Variants in KIAA1217 observed in about 807,000 individuals in gnomAD.
KIAA1217 encodes the protein KIAA1217.
In KIAA1217, 88 loss-of-function variants were observed where a neutral mutation model predicts 163.9. The ratio of observed to expected loss-of-function variants is 0.54; its 90% CI spans 0.45 to 0.64. KIAA1217 has a LOEUF of 0.64. KIAA1217 is among the 30% of genes least tolerant of loss of function. The probability of loss-of-function intolerance (pLI) is 0.00; values close to 1 mark genes in which losing one functional copy is unlikely to be tolerated. For synonymous variants in KIAA1217, 903 were observed against 923.1 expected (o/e 0.98, Z 0.39); for missense variants, 2,372 against 2,475.0 (o/e 0.96, Z 0.88).
chr10:23,775,081 G>T (rs1056792964), intron 1 of KIAA1217, among the ~76,000 whole-genome samples: 2 of 152,134 alleles, frequency 1.3e-5, no homozygotes, highest in Non-Finnish European at 2.9e-5. Flanking sequence ...GATAAGGTGT[G>T]TGTGATCAGA....
At chr10:24,041,259 C>T (rs1487109108) in intron 2 of KIAA1217, among the ~76,000 whole-genome samples, 2 of 152,078 alleles carry the variant, frequency 1.3e-5, no homozygotes, top group African/African-American at 4.8e-5. Flanking sequence ...AAATCACTGA[C>T]GTGGGAAACT....
At chr10:24,016,594 A>ATATAGTGTAG (rs1168015475) in intron 2 of KIAA1217, among the ~76,000 whole-genome samples, 2 of 152,132 alleles carry the variant, frequency 1.3e-5, no homozygotes, top group African/African-American at 4.8e-5. Context: ...TAATAATATT[A>ATATAGTGTAG]TATAGTGTAG....
intron 1 of KIAA1217, among the ~76,000 whole-genome samples, chr10:23,952,189 C>T (rs1388966299): frequency 3.3e-5 from 5 of 152,208 alleles, no homozygotes; most frequent in African/African-American, 4.8e-5. Context: ...ATACCATCTG[C>T]GATCCCAGCA....
rs2052346066 is a variant in KIAA1217 at position 24,375,435 on chromosome 10, A to G, written c.355-5434A>G. Among the ~76,000 whole-genome samples the G allele has an allele frequency of 2.0e-5, 3 of 152,332 alleles. No homozygotes were observed. In the South Asian group the frequency reaches 6.2e-4, roughly 32 times the overall value. On this transcript the variant is annotated intron_variant, in intron 2 of 20. Transcript: ENST00000376454. The stretch of plus-strand genomic sequence containing the variant: ...GAGTTTATTAATTTTCCTTTGGAGT[A>G]CCGTGAAGCAGGAATGGTAGAGAAA...
intron 3 of KIAA1217, among the ~76,000 whole-genome samples, chr10:24,431,930 G>A (rs886822658): frequency 6.6e-6 from 1 of 152,110 alleles, no homozygotes; most frequent in African/African-American, 2.4e-5. Context: ...CAATAAATAT[G>A]TATTAGAACC....
intron 2 of KIAA1217, among the ~76,000 whole-genome samples, chr10:24,031,851 GC>G (rs1848201010): frequency 2.0e-5 from 3 of 152,168 alleles, no homozygotes; most frequent in Admixed American, 1.3e-4. Flanking sequence ...CCTTACTCAA[GC>G]TCCATCAAAA....
At chr10:23,945,264 CTA>C (rs1843970102) in intron 1 of KIAA1217, among the ~76,000 whole-genome samples, 1 of 151,984 alleles carries the variant, frequency 6.6e-6, no homozygotes, top group African/African-American at 2.4e-5. Context: ...ACAAACTGTG[CTA>C]TTTTCATAAA....
intron 1 of KIAA1217, among the ~76,000 whole-genome samples, chr10:23,867,682 A>G (rs567780120): frequency 5.1e-4 from 77 of 152,146 alleles, no homozygotes; most frequent in African/African-American, 1.9e-3. Context: ...TCCTTCGCCT[A>G]CTTTTTGATG....
At chr10:24,187,516 C>G (rs774761565) in intron 2 of KIAA1217, among the ~76,000 whole-genome samples, 1 of 152,234 alleles carries the variant, frequency 6.6e-6, no homozygotes, top group East Asian at 1.9e-4. Context: ...AGAACCAGTA[C>G]ACTTGAAGAT....
intron 1 of KIAA1217, among the ~76,000 whole-genome samples, chr10:23,777,602 C>A (rs1048348551): frequency 6.6e-6 from 1 of 152,074 alleles, no homozygotes; most frequent in Non-Finnish European, 1.5e-5. Flanking sequence ...TAATCACATT[C>A]CCTTACAGCT....
chr10:24,418,174 C>T (rs117099196), intron 3 of KIAA1217, among the ~76,000 whole-genome samples: 2,339 of 152,086 alleles, frequency 0.015, 29 homozygotes, highest in Non-Finnish European at 0.024. Flanking sequence ...TCAGGCCGGT[C>T]TTAAACTCCT....
At chr10:24,191,552 AATAT>A (rs59779872) in intron 2 of KIAA1217, among the ~76,000 whole-genome samples, 5 of 148,304 alleles carry the variant, frequency 3.4e-5, no homozygotes, top group African/African-American at 9.8e-5. Context: ...TGTACCCACA[AATAT>A]ATATATATAT....
At chr10:24,491,286 CTTTTTTTT>C (rs1169407580) in intron 6 of KIAA1217, among the ~76,000 whole-genome samples, 1 of 114,738 alleles carries the variant, frequency 8.7e-6, no homozygotes. Context: ...TTTTTTTTTC[CTTTTTTTT>C]TTTTTTTTTT....
At chr10:24,436,517 G>C (rs1259501081) in intron 4 of KIAA1217, among the ~76,000 whole-genome samples, 1 of 150,654 alleles carries the variant, frequency 6.6e-6, no homozygotes, top group African/African-American at 2.4e-5. Flanking sequence ...CCAGCACTTT[G>C]GGAGGCCAAG....
intron 1 of KIAA1217, among the ~76,000 whole-genome samples, chr10:23,719,756 A>C (rs530997151): frequency 1.3e-5 from 2 of 151,838 alleles, no homozygotes; most frequent in East Asian, 3.9e-4. Flanking sequence ...ATCTCCACTA[A>C]AAATACAAAA....
rs537857521 is a variant in KIAA1217 at position 23,815,472 on chromosome 10, G to A, written c.-321+120238G>A. ...ATCCTGGCTAACACGGTGAAACCCCGTCTCTACTAAAAATACAAAAAATTA... is the reference window on the plus strand; with the variant it reads ...ATCCTGGCTAACACGGTGAAACCCCATCTCTACTAAAAATACAAAAAATTA... On this transcript the variant is annotated intron_variant, in intron 1 of 18. Coordinates refer to the KIAA1217 transcript ENST00000376462. 4.2e-4 allele frequency among the ~76,000 whole-genome samples: 64 copies of A among 152,116 alleles called. 1 individual carries two copies. Among genetic ancestry groups the A allele is most frequent in the South Asian group, 4.2e-3 (20 of 4,810 alleles).
At chr10:24,221,857 G>C (rs2069696077) in intron 2 of KIAA1217, among the ~76,000 whole-genome samples, 3 of 152,062 alleles carry the variant, frequency 2.0e-5, no homozygotes, top group African/African-American at 7.2e-5. Flanking sequence ...AACATAGCGA[G>C]ACCCCATCTC....
chr10:23,783,071 T>A (rs1299793489), intron 1 of KIAA1217, among the ~76,000 whole-genome samples: 3 of 152,360 alleles, frequency 2.0e-5, no homozygotes, highest in Non-Finnish European at 4.4e-5. Context: ...CAAATGCTTT[T>A]TCTCCATCTG....
At chr10:23,876,457 G>A (rs1394698731) in intron 1 of KIAA1217, among the ~76,000 whole-genome samples, 3 of 151,418 alleles carry the variant, frequency 2.0e-5, no homozygotes, top group East Asian at 3.9e-4. Flanking sequence ...GTAACAAAGC[G>A]GCACATGTAC....
Sources: allele counts gnomAD v4.1 joint callset (sites outside exome capture counted in the v4.1 genomes callset), GRCh38; gene constraint gnomAD v4.1.1; transcripts MANE v1.5; gene names NCBI Gene and HGNC (gene_info 2026-07-23, HGNC 2026-07-21).